The following KIAA1217 variants were observed in gnomAD, a reference collection of about 807,000 sequenced individuals.
The protein encoded by KIAA1217 is sickle tail protein homolog.
KIAA1217 carries 88 observed loss-of-function variants against 163.9 expected under a neutral mutation model. The ratio of observed to expected loss-of-function variants is 0.54; its 90% CI spans 0.45 to 0.64. The LOEUF is 0.64. Among genes scored for constraint, KIAA1217 ranks in the 30% least tolerant of loss-of-function variants. KIAA1217 has a pLI of 0.00. For synonymous variants in KIAA1217, 903 were observed against 923.1 expected, an observed-to-expected ratio of 0.98 and a Z score of 0.39; for missense variants, 2,372 against 2,475.0, an observed-to-expected ratio of 0.96 and a Z score of 0.88.
intron 2 of KIAA1217, among the ~76,000 whole-genome samples, chr10:24,347,838 C>T (rs2047981333): frequency 6.6e-6 from 1 of 152,152 alleles, no homozygotes; most frequent in African/African-American, 2.4e-5. Context: ...TATGACCTGA[C>T]AATTTCATAT....
At chr10:24,155,533 G>T (rs2064833538) in intron 2 of KIAA1217, among the ~76,000 whole-genome samples, 1 of 152,150 alleles carries the variant, frequency 6.6e-6, no homozygotes, top group South Asian at 2.1e-4. Flanking sequence ...TTCAAAAAAT[G>T]TCAGGGGCCG....
rs180822961 is a variant in KIAA1217, at chr10:23,789,267, T to G, written c.-321+94033T>G. Among the ~76,000 whole-genome samples, 768 of 152,322 alleles carry G rather than the reference T, an allele frequency of 5.0e-3. 5 individuals carry two copies. Among genetic ancestry groups the G allele is most frequent in the Middle Eastern group, 0.014 (4 of 292 alleles). On this transcript the variant is annotated intron_variant, in intron 1 of 18. Coordinates refer to the KIAA1217 transcript ENST00000376462. ...ATCTTTGGTGATTCAACGTTTGCAT[T>G]TAGATTTCTGAAAAAGACTACTGTG... is the stretch of plus-strand genomic sequence containing the variant.
intron 1 of KIAA1217, among the ~76,000 whole-genome samples, chr10:23,867,625 G>GT (rs927884045): frequency 2.6e-5 from 4 of 152,138 alleles, no homozygotes; most frequent in Admixed American, 2.6e-4. Context: ...TTTTTCATGT[G>GT]TTTTTTGGCT....
intron 1 of KIAA1217, among the ~76,000 whole-genome samples, chr10:24,006,567 A>G (rs1847007838): frequency 6.6e-6 from 1 of 152,188 alleles, no homozygotes; most frequent in Admixed American, 6.5e-5. Flanking sequence ...TCTCCTCAAC[A>G]ATCCCAAAAC....
chr10:24,201,125 G>T (rs1443067333), intron 2 of KIAA1217, among the ~76,000 whole-genome samples: 1 of 152,000 alleles, frequency 6.6e-6, no homozygotes, highest in Non-Finnish European at 1.5e-5. Context: ...ACAAAAATTA[G>T]CCAGACGTGG....
chr10:24,441,255 C>T (rs2060476176), intron 5 of KIAA1217, among the ~76,000 whole-genome samples: 1 of 152,182 alleles, frequency 6.6e-6, no homozygotes, highest in Admixed American at 6.5e-5. Flanking sequence ...TCCCCAGCCT[C>T]CAGAGACAGC....
chr10:23,902,645 T>C (rs1464464656), intron 1 of KIAA1217, among the ~76,000 whole-genome samples: 4 of 152,260 alleles, frequency 2.6e-5, no homozygotes, highest in Admixed American at 1.3e-4. Flanking sequence ...AAAGAGCTTA[T>C]ACTAGTCAGT....
At chr10:24,277,701 T>A (rs1466050373) in intron 2 of KIAA1217, among the ~76,000 whole-genome samples, 3 of 152,194 alleles carry the variant, frequency 2.0e-5, no homozygotes, top group Non-Finnish European at 4.4e-5. Context: ...CGTGTTTGCT[T>A]CCCCTTCAAC....
chr10:24,273,807 C>T (rs922716727), intron 2 of KIAA1217, among the ~76,000 whole-genome samples: 1 of 149,538 alleles, frequency 6.7e-6, no homozygotes, highest in Admixed American at 6.8e-5. Context: ...GAGCCGAGAT[C>T]GTGCCACTGT....
intron 2 of KIAA1217, among the ~76,000 whole-genome samples, chr10:24,018,120 A>G (rs1021706921): frequency 5.3e-5 from 8 of 151,988 alleles, no homozygotes; most frequent in Non-Finnish European, 1.2e-4. Flanking sequence ...AATGCACCTT[A>G]AACCCAAGCT....
Position 23,810,229 on chromosome 10 carries a change from TCTAC to T in KIAA1217, c.-321+115009_-321+115012del, listed in dbSNP as rs563454103. Among the ~76,000 whole-genome samples, 47 of 151,122 alleles carry T rather than the reference TCTAC, an allele frequency of 3.1e-4. No individual in the cohort carries two copies. In the East Asian group the frequency reaches 6.0e-3, roughly 19 times the overall value. Reference sequence around the variant, plus strand: ...ATCCATTCATCTATCTGTCTGTCTATCTACCTACCTACCTACCCTCTTTCTGACT... The same window carrying T: ...ATCCATTCATCTATCTGTCTGTCTATCTACCTACCTACCCTCTTTCTGACT... On this transcript the variant is annotated intron_variant, in intron 1 of 18. Coordinates refer to the KIAA1217 transcript ENST00000376462.
chr10:24,109,055 C>A (rs2062740257), intron 2 of KIAA1217, among the ~76,000 whole-genome samples: 1 of 152,150 alleles, frequency 6.6e-6, no homozygotes, highest in Non-Finnish European at 1.5e-5. Context: ...TGCTCTTGAA[C>A]TCCTGACCTC....
chr10:24,182,989 T>C lies in KIAA1217; in HGVS notation c.-170-36637T>C, dbSNP rs2066252545. Among the ~76,000 whole-genome samples, 3 of 152,208 alleles carry C rather than the reference T, an allele frequency of 2.0e-5. No homozygotes were observed. The South Asian group carries it at 6.2e-4, about 32-fold the overall frequency. ...TAGTGAGAGGTGTTTAGGTCATAGA[T>C]GCAGATCCCTTGTGAAAGGCTTAGT... On this transcript the variant is annotated intron_variant, in intron 2 of 18. Transcript: ENST00000376462.
At chr10:23,700,275 A>G (rs1836345244) in intron 1 of KIAA1217, among the ~76,000 whole-genome samples, 1 of 152,012 alleles carries the variant, frequency 6.6e-6, no homozygotes, top group Non-Finnish European at 1.5e-5. Flanking sequence ...TCATTATGTA[A>G]TCCCAATCTG....
chr10:24,398,670 T>G (rs1445546856), intron 3 of KIAA1217, among the ~76,000 whole-genome samples: 2 of 152,142 alleles, frequency 1.3e-5, no homozygotes, highest in African/African-American at 4.8e-5. Flanking sequence ...CTTTTTCCCA[T>G]GATTCTTTCC....
chr10:23,893,988 C>T (rs1841549590), intron 1 of KIAA1217, among the ~76,000 whole-genome samples: 1 of 151,972 alleles, frequency 6.6e-6, no homozygotes, highest in South Asian at 2.1e-4. Flanking sequence ...TGGGATGTAT[C>T]TCAAAATAAT....
At chr10:24,418,451 G>C (rs529150109) in intron 3 of KIAA1217, among the ~76,000 whole-genome samples, 1 of 152,194 alleles carries the variant, frequency 6.6e-6, no homozygotes, top group South Asian at 2.1e-4. Flanking sequence ...AATAAATCTT[G>C]AACAATAAAA....
chr10:24,062,484 C>T (rs1444832972), intron 2 of KIAA1217, among the ~76,000 whole-genome samples: 8 of 151,668 alleles, frequency 5.3e-5, no homozygotes, highest in Non-Finnish European at 7.4e-5. Context: ...TTTTTTATGG[C>T]TGCATAGTAT....
intron 1 of KIAA1217, among the ~76,000 whole-genome samples, chr10:24,209,981 G>T (rs1332741865): frequency 6.6e-6 from 1 of 152,124 alleles, no homozygotes; most frequent in African/African-American, 2.4e-5. Context: ...GGCCAGAGGA[G>T]GTCCCTGCTC....
Sources: allele counts gnomAD v4.1 joint callset (sites outside exome capture counted in the v4.1 genomes callset), GRCh38; gene constraint gnomAD v4.1.1; transcripts MANE v1.5; gene names NCBI Gene and HGNC (gene_info 2026-07-23, HGNC 2026-07-21).